The following TMEM62 variants were observed in gnomAD, a reference collection of about 807,000 sequenced individuals.
The protein encoded by TMEM62 is transmembrane protein 62.
Under a neutral mutation model 70.4 loss-of-function variants are expected in TMEM62, and 41 were observed. That is an observed-to-expected ratio of 0.58 (90% confidence interval 0.45 to 0.76). The LOEUF (loss-of-function observed/expected upper bound fraction) is 0.76. TMEM62 is among the 30% of genes least tolerant of loss of function. The pLI is 0.00. For missense variants in TMEM62, 688 were observed against 788.5 expected (o/e 0.87, Z 1.53); for synonymous variants, 268 against 291.0 (o/e 0.92, Z 0.80).
At chr15:43,173,221 A>G (rs72721545) in intron 11 of TMEM62, among the ~76,000 whole-genome samples, 4,079 of 152,214 alleles carry the variant, frequency 0.027, 65 homozygotes, top group Non-Finnish European at 0.04. Flanking sequence ...CCCATTAATT[A>G]TTTCTTCAAA....
intron 10 of TMEM62, among the ~76,000 whole-genome samples, chr15:43,164,484 A>G (rs2039148413): frequency 6.6e-6 from 1 of 150,968 alleles, no homozygotes; most frequent in South Asian, 2.1e-4. Flanking sequence ...GGTCCTCCCA[A>G]GTAGCTGAGA....
At chr15:43,152,011 G>T in intron 8 of TMEM62, 66 bp downstream of exon 8, 1 of 1,275,210 alleles carries the variant, frequency 7.8e-7, no homozygotes. Context: ...CATTGTGATT[G>T]CATTCCCATG....
intron 10 of TMEM62, among the ~76,000 whole-genome samples, chr15:43,165,539 C>T (rs1320027363): frequency 6.6e-6 from 1 of 152,034 alleles, no homozygotes; most frequent in African/African-American, 2.4e-5. Flanking sequence ...AGAGAACATC[C>T]TGGCTAACAC....
intron 10 of TMEM62, among the ~76,000 whole-genome samples, chr15:43,164,307 T>C (rs2039115865): frequency 6.6e-6 from 1 of 152,214 alleles, no homozygotes; most frequent in Non-Finnish European, 1.5e-5. Context: ...GTTATTATTT[T>C]TGATAGGTTT....
intron 4 of TMEM62, among the ~76,000 whole-genome samples, chr15:43,140,183 C>G (rs1421161802): frequency 6.6e-6 from 1 of 152,126 alleles, no homozygotes; most frequent in Non-Finnish European, 1.5e-5. Context: ...TGCGCGCCAA[C>G]CCCAGAAAGA....
chr15:43,164,451 C>CTTTTTTTTTTTTT (rs943352342), intron 10 of TMEM62, among the ~76,000 whole-genome samples: 1 of 134,804 alleles, frequency 7.4e-6, no homozygotes, highest in African/African-American at 2.7e-5. Context: ...TTTTTCTTTT[C>CTTTTTTTTTTTTT]TTTTTTTTTT....
intron 2 of TMEM62, 138 bp from the exon 3 acceptor site, chr15:43,135,374 G>T: frequency 1.3e-6 from 1 of 768,122 alleles, no homozygotes; most frequent in Non-Finnish European, 1.9e-6. Flanking sequence ...TTTGGACATT[G>T]GTGGTCTCGT....
chr15:43,141,576 A>G (rs2036017134), intron 4 of TMEM62, among the ~76,000 whole-genome samples: 1 of 152,256 alleles, frequency 6.6e-6, no homozygotes, highest in African/African-American at 2.4e-5. Flanking sequence ...CTAGCGCAGT[A>G]TTCATTCTAT....
chr15:43,184,285 T>A lies in TMEM62; in HGVS notation c.1631T>A (p.Met544Lys). ...CTGGCGTTTTTTAACATCCCCTTGA[T>A]GGCTTACATGTGTTGGAGCTTGCTG... ...LQLAFFNIPL[M>K]AYMCWSLLQR... Residue 544 changes from methionine to lysine, a missense_variant, in exon 14 of 14, where the codon ATG (methionine) becomes AAG (lysine). Met to Lys is a moderately conservative substitution (Grantham distance 95). Coordinates refer to ENST00000260403, the MANE Select transcript of TMEM62 (RefSeq NM_024956.4). The A allele has an allele frequency of 6.2e-7, 1 of 1,613,648 alleles. No individual in the cohort carries two copies.
upstream of TMEM62, chr15:43,133,302 A>T (rs1289062833): frequency 6.5e-6 from 1 of 152,796 alleles, no homozygotes; most frequent in Non-Finnish European, 1.5e-5. Flanking sequence ...GCCACCTGAC[A>T]CATTTGTGAG....
intron 3 of TMEM62, among the ~76,000 whole-genome samples, chr15:43,136,508 A>G (rs1028706637): frequency 3.3e-5 from 5 of 152,022 alleles, no homozygotes; most frequent in African/African-American, 1.2e-4. Flanking sequence ...GCAGTAGTGC[A>G]ATCTCAGCTC....
intron 1 of TMEM62, 31 bp from the exon 2 acceptor site, chr15:43,134,226 G>C: frequency 1.2e-6 from 2 of 1,605,492 alleles, no homozygotes; most frequent in Non-Finnish European, 1.7e-6. Context: ...TCCTGGCTCA[G>C]ATCTCTCTGT....
chr15:43,166,174 C>T (rs1045201826), intron 10 of TMEM62, among the ~76,000 whole-genome samples: 26 of 152,244 alleles, frequency 1.7e-4, no homozygotes, highest in African/African-American at 6.3e-4. Flanking sequence ...ACTCTTGCAG[C>T]CTTACGTGGG....
intron 9 of TMEM62, among the ~76,000 whole-genome samples, chr15:43,158,314 T>C (rs1305880219): frequency 1.3e-5 from 2 of 152,246 alleles, no homozygotes; most frequent in East Asian, 1.9e-4. Context: ...TATCCACTGA[T>C]GTGCTGGTAA....
At chr15:43,154,529 C>A (rs2037801581) in intron 8 of TMEM62, 143 bp from the exon 9 acceptor site, 2 of 587,926 alleles carry the variant, frequency 3.4e-6, no homozygotes, top group Non-Finnish European at 5.2e-6. Context: ...GAAACCAGAT[C>A]ATATCAATAG....
chr15:43,134,172 C>A, intron 1 of TMEM62, 85 bp from the exon 2 acceptor site: 2 of 1,510,190 alleles, frequency 1.3e-6, no homozygotes, highest in Non-Finnish European at 1.8e-6. Context: ...CCTTTTCCTT[C>A]TGCCCGAGAG....
chr15:43,148,221 G>A lies in TMEM62; in HGVS notation c.619-534G>A, dbSNP rs967056584. 3.3e-5 allele frequency among the ~76,000 whole-genome samples: 5 copies of A among 152,090 alleles called. No homozygotes were observed. In the South Asian group the frequency reaches 6.2e-4, roughly 19 times the overall value. On this transcript the variant is annotated intron_variant, in intron 5 of 13. Transcript: ENST00000260403. ...GAAATCATACAGTATGTACTCTTGGGTCTGGCTTCTTTTGCTCAGTATAAT... is the reference window on the plus strand; with the variant it reads ...GAAATCATACAGTATGTACTCTTGGATCTGGCTTCTTTTGCTCAGTATAAT...
At chr15:43,148,562 T>C (rs2036956187) in intron 5 of TMEM62, among the ~76,000 whole-genome samples, 193 bp from the exon 6 acceptor site, 2 of 152,198 alleles carry the variant, frequency 1.3e-5, no homozygotes, top group East Asian at 1.9e-4. Flanking sequence ...ATTTTTAGTA[T>C]CAAATGAAAT....
intron 4 of TMEM62, among the ~76,000 whole-genome samples, chr15:43,145,631 A>C (rs1156837348): frequency 2.6e-5 from 4 of 152,188 alleles, no homozygotes; most frequent in East Asian, 3.8e-4. Flanking sequence ...CTCGGGTTAC[A>C]TTATATTTGA....
Sources: gnomAD v4.1 joint callset for allele counts (sites outside exome capture counted in the v4.1 genomes callset) on GRCh38, gnomAD v4.1.1 for gene constraint, MANE v1.5 for transcripts, NCBI Gene and HGNC (gene_info 2026-07-23, HGNC 2026-07-21) for gene names.